Variants in SKAP2 observed in about 807,000 individuals in gnomAD.
SKAP2 encodes src kinase associated phosphoprotein 2.
SKAP2 carries 28 observed loss-of-function variants against 54.9 expected under a neutral mutation model. The ratio of observed to expected loss-of-function variants is 0.51; its 90% confidence interval spans 0.38 to 0.70. The LOEUF (loss-of-function observed/expected upper bound fraction) is 0.70, where lower values mean the gene tolerates loss of function less well. SKAP2 is among the 30% of genes least tolerant of loss of function. SKAP2 has a pLI of 0.00. For synonymous variants in SKAP2, 137 were observed against 134.3 expected, an observed-to-expected ratio of 1.02 and a Z score of -0.14; for missense variants, 356 against 424.1, an observed-to-expected ratio of 0.84 and a Z score of 1.41.
At chr7:26,854,979 TAA>T (rs1785129498) in intron 1 of SKAP2, 89 bp from the exon 2 acceptor site, 3 of 847,742 alleles carry the variant, frequency 3.5e-6, no homozygotes, top group South Asian at 1.7e-5. Flanking sequence ...TTTCTACATA[TAA>T]GTGTTAATAC....
At chr7:26,699,642 G>GA (rs1477144961) in intron 9 of SKAP2, among the ~76,000 whole-genome samples, 1 of 151,900 alleles carries the variant, frequency 6.6e-6, no homozygotes, top group Non-Finnish European at 1.5e-5. Flanking sequence ...TCTACATTGA[G>GA]ATGAAATACT....
At chr7:26,703,130 G>A (rs989306064) in intron 9 of SKAP2, among the ~76,000 whole-genome samples, 2 of 152,176 alleles carry the variant, frequency 1.3e-5, no homozygotes, top group Non-Finnish European at 2.9e-5. Flanking sequence ...TATCTTCGAA[G>A]GCACAGGTGT....
intron 11 of SKAP2, among the ~76,000 whole-genome samples, chr7:26,675,433 G>A (rs1447672311): frequency 6.6e-6 from 1 of 152,078 alleles, no homozygotes; most frequent in Non-Finnish European, 1.5e-5. Context: ...CTCATTTCAA[G>A]CTAAGCATTT....
intron 3 of SKAP2, among the ~76,000 whole-genome samples, chr7:26,850,509 G>A (rs576426709): frequency 6.6e-6 from 1 of 151,798 alleles, no homozygotes; most frequent in Admixed American, 6.6e-5. Flanking sequence ...CAAAGGAGCT[G>A]GGGGAGGCTG....
At chr7:26,701,278 G>A (rs1249556072) in intron 9 of SKAP2, among the ~76,000 whole-genome samples, 3 of 152,158 alleles carry the variant, frequency 2.0e-5, no homozygotes, top group Admixed American at 2.0e-4. Context: ...TAGAAACTGA[G>A]CTGTTTTCTC....
chr7:26,801,492 T>G (rs1783913896), intron 4 of SKAP2, among the ~76,000 whole-genome samples: 1 of 152,186 alleles, frequency 6.6e-6, no homozygotes, highest in South Asian at 2.1e-4. Context: ...AACACAGTAC[T>G]GGAAGTCCTA....
intron 4 of SKAP2, among the ~76,000 whole-genome samples, chr7:26,764,683 T>A (rs1476301827): frequency 2.0e-5 from 3 of 152,138 alleles, no homozygotes; most frequent in Admixed American, 1.3e-4. Flanking sequence ...CCATGGTGAT[T>A]TGCTGCACCC....
chr7:26,676,922 C>A (rs1383219106), intron 11 of SKAP2, among the ~76,000 whole-genome samples: 1 of 152,162 alleles, frequency 6.6e-6, no homozygotes, highest in East Asian at 1.9e-4. Flanking sequence ...TGAAGGCCTG[C>A]AGAGATAAAA....
At chr7:26,864,013 C>T (rs1785318422) in intron 1 of SKAP2, among the ~76,000 whole-genome samples, 1 of 150,808 alleles carries the variant, frequency 6.6e-6, no homozygotes, top group Non-Finnish European at 1.5e-5. Context: ...TTATCATTAT[C>T]ATTCTCTCTC....
chr7:26,863,776 T>C (rs1380584134), intron 1 of SKAP2, among the ~76,000 whole-genome samples: 1 of 152,200 alleles, frequency 6.6e-6, no homozygotes, highest in African/African-American at 2.4e-5. Context: ...TGGGGACAAG[T>C]GGCCATTTGA....
chr7:26,796,160 CATG>C (rs1290325014), intron 4 of SKAP2, among the ~76,000 whole-genome samples: 1 of 152,186 alleles, frequency 6.6e-6, no homozygotes, highest in African/African-American at 2.4e-5. Flanking sequence ...ACAGATCATA[CATG>C]ATGCTACGAA....
chr7:26,692,708 T>A (rs1178970942), intron 9 of SKAP2, among the ~76,000 whole-genome samples: 2 of 152,248 alleles, frequency 1.3e-5, no homozygotes, highest in Admixed American at 6.5e-5. Flanking sequence ...CTTTTCTTTT[T>A]AACAATAGTT....
intron 11 of SKAP2, among the ~76,000 whole-genome samples, chr7:26,670,646 T>C (rs1786207236): frequency 6.6e-6 from 1 of 152,140 alleles, no homozygotes; most frequent in Non-Finnish European, 1.5e-5. Context: ...CTTAAACTTA[T>C]ATGACCTAAA....
Position 26,725,532 on chromosome 7 carries a change from T to C in SKAP2, c.692A>G (p.Asp231Gly). The C allele has an allele frequency of 6.2e-7, 1 of 1,608,858 alleles. No homozygotes were observed. Residue 231 changes from aspartate to glycine, a missense_variant, in exon 9 of 13, where the codon GAT becomes GGT. Transcript: ENST00000345317. Reference protein sequence around the residue: ...MESDIIPEDYDERGELYDDVD... With the variant: ...MESDIIPEDYGERGELYDDVD... ...ATCATCATATAATTCTCCTCTCTCA[T>C]CATAATCCTCAGGAATAATATCAGA...
chr7:26,692,732 C>T (rs1464194959), intron 9 of SKAP2, among the ~76,000 whole-genome samples: 4 of 152,082 alleles, frequency 2.6e-5, no homozygotes, highest in Non-Finnish European at 4.4e-5. Flanking sequence ...TCACTTATGC[C>T]AAACCTTAAA....
In SKAP2 at chr7:26,725,860, C is replaced by A. The variant is rs1219006546; in HGVS notation, c.658+63G>T. 1.1e-5 allele frequency: 15 copies of A among 1,362,656 alleles called. No homozygotes were observed. In the Admixed American group the frequency reaches 2.3e-4, roughly 21 times the overall value. The allele number at this position is 1,362,656 out of a possible 1,614,324, so 84.4% of individuals were successfully genotyped here. A position where few individuals can be genotyped will look rare whatever the true frequency, so the allele number is the denominator to read the frequency against. On this transcript the variant is annotated intron_variant, in intron 8 of 12. Transcript: ENST00000345317. ...TCAATAAGCTTTTGTATATGAAAAC[C>A]CAAACTACTCTGTTATTTAGTATTT...
At chr7:26,707,898 T>A (rs548695771) in intron 9 of SKAP2, among the ~76,000 whole-genome samples, 1 of 152,208 alleles carries the variant, frequency 6.6e-6, no homozygotes, top group Admixed American at 6.5e-5. Flanking sequence ...AACATAAAAA[T>A]TTCAAAACTC....
chr7:26,794,853 G>A (rs1320329290), intron 4 of SKAP2, among the ~76,000 whole-genome samples: 1 of 152,038 alleles, frequency 6.6e-6, no homozygotes, highest in Non-Finnish European at 1.5e-5. Context: ...CCACTGGACT[G>A]CAAGGAAGGT....
intron 9 of SKAP2, among the ~76,000 whole-genome samples, chr7:26,717,339 G>A (rs76577501): frequency 0.055 from 8,311 of 151,384 alleles, 334 homozygotes; most frequent in Non-Finnish European, 0.084. Context: ...GCAAAACACC[G>A]TCTCTACAAA....
Sources: allele counts gnomAD v4.1 joint callset (sites outside exome capture counted in the v4.1 genomes callset), GRCh38; gene constraint gnomAD v4.1.1; transcripts MANE v1.5; gene names NCBI Gene and HGNC (gene_info 2026-07-23, HGNC 2026-07-21).